The following PTPRG variants were observed in gnomAD, a reference collection of about 807,000 sequenced individuals.
PTPRG encodes the protein protein tyrosine phosphatase receptor type G.
A neutral mutation model predicts 165.3 loss-of-function variants in PTPRG; 102 were observed. That is an observed-to-expected ratio of 0.62 (90% confidence interval 0.53 to 0.73). PTPRG has a LOEUF of 0.73. PTPRG is among the 30% of genes least tolerant of loss of function. PTPRG has a pLI of 0.00. For missense variants in PTPRG, 1,866 were observed against 1,861.4 expected (o/e 1.00, Z -0.05); for synonymous variants, 675 against 669.5 (o/e 1.01, Z -0.13).
At chr3:62,023,399 G>C (rs2041742545) in intron 4 of PTPRG, among the ~76,000 whole-genome samples, 1 of 151,986 alleles carries the variant, frequency 6.6e-6, no homozygotes, top group Non-Finnish European at 1.5e-5. Flanking sequence ...GTGTATATTT[G>C]CAAATTTCAG....
At chr3:61,570,659 T>C (rs1014053285) in intron 1 of PTPRG, among the ~76,000 whole-genome samples, 3 of 152,184 alleles carry the variant, frequency 2.0e-5, no homozygotes, top group Non-Finnish European at 2.9e-5. Context: ...TTGGGAATGA[T>C]TTGGATAAGG....
intron 4 of PTPRG, among the ~76,000 whole-genome samples, chr3:62,049,267 G>A (rs1425166558): frequency 2.0e-5 from 3 of 152,160 alleles, no homozygotes; most frequent in African/African-American, 7.2e-5. Flanking sequence ...TTATACCACA[G>A]ATTATGCATG....
chr3:61,727,353 G>A (rs1012876287), intron 1 of PTPRG, among the ~76,000 whole-genome samples: 5 of 151,902 alleles, frequency 3.3e-5, no homozygotes, highest in Non-Finnish European at 7.4e-5. Context: ...ACAGGGTTTT[G>A]GACGGTTGGC....
At position 61,813,577 on chromosome 3, in the gene PTPRG, G is replaced by C. The variant is rs560938307; in HGVS notation, c.190+64595G>C. On this transcript the variant is annotated intron_variant, in intron 2 of 29. Coordinates refer to ENST00000474889, the MANE Select transcript of PTPRG (RefSeq NM_002841.4). ...TGTGTGTGTGTGTGTGTGTGTGTGT[G>C]TGTGTGTGTGTGTGTTTAGTTGTAC... Among the ~76,000 whole-genome samples, 121 of 149,036 alleles carry C rather than the reference G, an allele frequency of 8.1e-4. 1 individual carries two copies. The highest frequency in any genetic ancestry group is 2.9e-3 in the African/African-American group (116 of 40,448).
chr3:61,820,484 C>T (rs1429528693), intron 2 of PTPRG, among the ~76,000 whole-genome samples: 2 of 152,060 alleles, frequency 1.3e-5, no homozygotes, highest in African/African-American at 2.4e-5. Flanking sequence ...CGCAGACCCA[C>T]TAAGAGATAA....
At chr3:61,594,991 A>G (rs1477849627) in intron 1 of PTPRG, among the ~76,000 whole-genome samples, 1 of 152,056 alleles carries the variant, frequency 6.6e-6, no homozygotes, top group Non-Finnish European at 1.5e-5. Context: ...TTGCGGGAAA[A>G]TGAAAGTTTT....
At chr3:61,820,937 G>A (rs2035937009) in intron 2 of PTPRG, among the ~76,000 whole-genome samples, 2 of 151,848 alleles carry the variant, frequency 1.3e-5, no homozygotes, top group South Asian at 2.1e-4. Context: ...AACATTTATG[G>A]ATTTTTTTTC....
chr3:61,673,994 A>G (rs951261204), intron 1 of PTPRG, among the ~76,000 whole-genome samples: 1 of 147,164 alleles, frequency 6.8e-6, no homozygotes, highest in African/African-American at 2.5e-5. Context: ...GAAAACATGG[A>G]CACATGGAGG....
intron 2 of PTPRG, among the ~76,000 whole-genome samples, chr3:61,885,657 CTCT>C (rs1382201634): frequency 1.7e-4 from 4 of 23,924 alleles, no homozygotes; most frequent in Admixed American, 2.0e-4. Context: ...TCTTTTCCTT[CTCT>C]CCTCTCCTCT....
chr3:61,926,605 C>T (rs140189291), intron 2 of PTPRG, among the ~76,000 whole-genome samples: 19 of 128,316 alleles, frequency 1.5e-4, no homozygotes, highest in African/African-American at 6.3e-4. Context: ...CCCTCCCTCC[C>T]TCCCTCCTTC....
chr3:62,081,896 C>G (rs566507167), intron 5 of PTPRG, among the ~76,000 whole-genome samples: 34 of 152,172 alleles, frequency 2.2e-4, no homozygotes, highest in Non-Finnish European at 4.1e-4. Flanking sequence ...GGTTTGTCAT[C>G]TATTCAACAT....
At chr3:61,923,077 ACT>A (rs1213149986) in intron 2 of PTPRG, among the ~76,000 whole-genome samples, 6 of 152,050 alleles carry the variant, frequency 3.9e-5, no homozygotes, top group Non-Finnish European at 7.4e-5. Context: ...ATAGAATTTA[ACT>A]CTTTTTACCC....
At chr3:61,717,618 T>G (rs2031862996) in intron 1 of PTPRG, among the ~76,000 whole-genome samples, 1 of 151,942 alleles carries the variant, frequency 6.6e-6, no homozygotes, top group Admixed American at 6.6e-5. Flanking sequence ...AAGCCCCGTC[T>G]CTACTAAAAA....
chr3:62,006,177 G>A (rs755029666), intron 4 of PTPRG, among the ~76,000 whole-genome samples: 1 of 152,092 alleles, frequency 6.6e-6, no homozygotes, highest in Non-Finnish European at 1.5e-5. Context: ...AGATGGTAAG[G>A]CTGCCTATAT....
rs377130269 is a variant in PTPRG at position 61,733,582 on chromosome 3, C to T, written c.86-15296C>T. On this transcript the variant is annotated intron_variant, in intron 1 of 29. Coordinates refer to ENST00000474889, the MANE Select transcript of PTPRG (RefSeq NM_002841.4). ...GCATTACCTATCACCAGCACCATTA[C>T]TCATTTTCTTTGTGAATTTTAGCAA... is the stretch of plus-strand genomic sequence containing the variant. 4.6e-5 allele frequency among the ~76,000 whole-genome samples: 7 copies of T among 152,322 alleles called. No individual in the cohort carries two copies. The East Asian group carries it at 7.7e-4, about 17-fold the overall frequency.
At chr3:61,990,378 A>G (rs112655374) in intron 3 of PTPRG, among the ~76,000 whole-genome samples, 3 of 152,284 alleles carry the variant, frequency 2.0e-5, no homozygotes, top group African/African-American at 7.2e-5. Flanking sequence ...AATATTTTTT[A>G]TTACTTCCGA....
intron 2 of PTPRG, among the ~76,000 whole-genome samples, chr3:61,781,726 T>TA (rs1559608586): frequency 6.6e-6 from 1 of 152,094 alleles, no homozygotes; most frequent in Non-Finnish European, 1.5e-5. Flanking sequence ...TAACAGAATT[T>TA]ATTAATTTCT....
At chr3:62,188,201 C>A (rs1699712784) in intron 8 of PTPRG, among the ~76,000 whole-genome samples, 1 of 151,870 alleles carries the variant, frequency 6.6e-6, no homozygotes. Context: ...TAGTGAAACC[C>A]CGTCTCTATT....
chr3:61,849,226 G>A (rs1318510545), intron 2 of PTPRG, among the ~76,000 whole-genome samples: 1 of 152,156 alleles, frequency 6.6e-6, no homozygotes, highest in African/African-American at 2.4e-5. Flanking sequence ...AATTTGTACA[G>A]GATGGAAATA....
Sources: gnomAD v4.1 joint callset for allele counts (sites outside exome capture counted in the v4.1 genomes callset) on GRCh38, gnomAD v4.1.1 for gene constraint, MANE v1.5 for transcripts, NCBI Gene and HGNC (gene_info 2026-07-23, HGNC 2026-07-21) for gene names.